The following ALMS1 variants were observed in gnomAD, a reference collection of about 807,000 sequenced individuals.
ALMS1 encodes centrosome-associated protein ALMS1.
Under a neutral mutation model 352.2 loss-of-function variants are expected in ALMS1, and 271 were observed. The ratio of observed to expected loss-of-function variants is 0.77; its 90% confidence interval spans 0.70 to 0.85. The LOEUF is 0.85. ALMS1 is among the 40% of genes least tolerant of loss of function. ALMS1 has a pLI of 0.00. For missense variants in ALMS1, 5,445 were observed against 4,870.7 expected, an observed-to-expected ratio of 1.12 and a Z score of -3.51; for synonymous variants, 1,865 against 1,761.2, an observed-to-expected ratio of 1.06 and a Z score of -1.48.
chr2:73,593,801 A>G (rs774810171), intron 16 of ALMS1, among the ~76,000 whole-genome samples: 13 of 152,172 alleles, frequency 8.5e-5, no homozygotes, highest in Non-Finnish European at 1.9e-4. Flanking sequence ...TTCTGTTTCT[A>G]TGGATTTGCC....
At chr2:73,570,089 C>T (rs187028211) in intron 15 of ALMS1, among the ~76,000 whole-genome samples, 65 of 152,166 alleles carry the variant, frequency 4.3e-4, no homozygotes, top group Admixed American at 1.4e-3. Flanking sequence ...ATGACAGGAA[C>T]AGGAAGAGGA....
At chr2:73,459,440 T>C (rs540908647) in intron 9 of ALMS1, 1 of 152,354 alleles carries the variant, frequency 6.6e-6, no homozygotes, top group African/African-American at 2.4e-5. Context: ...CTTGCCTGAA[T>C]AATTTATTAA....
intron 12 of ALMS1, among the ~76,000 whole-genome samples, chr2:73,547,522 G>A (rs1306216465): frequency 6.6e-6 from 1 of 152,114 alleles, no homozygotes; most frequent in East Asian, 1.9e-4. Flanking sequence ...ACTACATTTT[G>A]GTTTGGTCTC....
intron 1 of ALMS1, among the ~76,000 whole-genome samples, chr2:73,386,923 C>T (rs962655181): frequency 6.6e-6 from 1 of 152,138 alleles, no homozygotes; most frequent in Non-Finnish European, 1.5e-5. Flanking sequence ...ACCTGCCCTG[C>T]TCAGTACAGT....
intron 21 of ALMS1, among the ~76,000 whole-genome samples, chr2:73,605,636 G>A (rs542220266): frequency 1.1e-4 from 16 of 152,270 alleles, no homozygotes; most frequent in African/African-American, 2.9e-4. Flanking sequence ...ATCACTTGAG[G>A]TCAGGAGTTC....
intron 10 of ALMS1, among the ~76,000 whole-genome samples, chr2:73,501,667 C>G (rs1272022105): frequency 6.6e-6 from 1 of 152,108 alleles, no homozygotes; most frequent in East Asian, 1.9e-4. Flanking sequence ...TATCTTTACA[C>G]CAGTACCACA....
chr2:73,453,659 C>G lies in ALMS1; in HGVS notation c.7132C>G (p.Leu2378Val), dbSNP rs768751472. 3.7e-6 allele frequency: 6 copies of G among 1,614,030 alleles called. No individual in the cohort carries two copies. The highest frequency in any genetic ancestry group is 4.2e-6 in the Non-Finnish European group (5 of 1,180,004). The change falls in exon 8 of 23, where the codon CTT (leucine) becomes GTT (valine). Residue 2378 changes from leucine to valine, a missense_variant. Coordinates refer to ENST00000613296, the MANE Select transcript of ALMS1 (RefSeq NM_001378454.1). Reference protein sequence around the residue: ...SKVSMALEETLRQYQAAKSVM... With the variant: ...SKVSMALEETVRQYQAAKSVM... ...AGTCAGTATGGCATTAGAAGAAACT[C>G]TTAGGCAATATCAAGCAGCCAAATC...
chr2:73,431,558 A>G (rs2421550), intron 6 of ALMS1, among the ~76,000 whole-genome samples: 57,942 of 152,090 alleles, frequency 0.38, 15,413 homozygotes, highest in African/African-American at 0.76. Flanking sequence ...TTCTAGCAAG[A>G]ACTTGTGACT....
At chr2:73,592,398 A>G (rs866914944) in intron 16 of ALMS1, among the ~76,000 whole-genome samples, 5 of 152,250 alleles carry the variant, frequency 3.3e-5, no homozygotes, top group Admixed American at 2.6e-4. Context: ...GGTGATGAGT[A>G]AATTTTATTG....
chr2:73,606,983 G>T (rs955851884), intron 21 of ALMS1, among the ~76,000 whole-genome samples: 1 of 152,160 alleles, frequency 6.6e-6, no homozygotes, highest in Admixed American at 6.5e-5. Context: ...TGTGTTTCCC[G>T]CAGAGCCCTC....
chr2:73,414,936 A>G (rs1671156875), intron 2 of ALMS1, among the ~76,000 whole-genome samples: 1 of 152,116 alleles, frequency 6.6e-6, no homozygotes, highest in African/African-American at 2.4e-5. Context: ...TTACTCTCCA[A>G]TTCCAGGTTG....
At position 73,454,270 on chromosome 2, in the gene ALMS1, C is replaced by T. The variant is rs1018824006; in HGVS notation, c.7540+203C>T. The T allele has an allele frequency of 4.9e-5, 48 of 970,788 alleles. No homozygotes were observed. The African/African-American group carries it at 7.4e-4, about 15-fold the overall frequency. The allele number at this position is 970,788 out of a possible 1,614,324, so 60.1% of individuals were successfully genotyped here. ...ATTTCTTCTAACAATCCATAAAAAG[C>T]CTATTTAACCAATAATGTAGTTAAG... On this transcript the variant is annotated intron_variant, in intron 8 of 22. Transcript: ENST00000613296.
chr2:73,489,536 AATCTT>A, intron 9 of ALMS1, 93 bp from the exon 10 acceptor site: 1 of 1,381,730 alleles, frequency 7.2e-7, no homozygotes, highest in Non-Finnish European at 1.0e-6. Flanking sequence ...TTCATGGTCT[AATCTT>A]AGCGTGGGTA....
chr2:73,510,734 C>T (rs558226527), intron 10 of ALMS1, among the ~76,000 whole-genome samples: 5 of 152,254 alleles, frequency 3.3e-5, no homozygotes, highest in South Asian at 2.1e-4. Context: ...TAGCAGGGCT[C>T]GAGGGCTGTC....
chr2:73,520,159 T>G lies in ALMS1; in HGVS notation c.9781+143T>G, dbSNP rs192850959. The G allele has an allele frequency of 3.0e-4, 309 of 1,047,176 alleles. 2 individuals carry two copies. In the African/African-American group the frequency reaches 4.6e-3, roughly 16 times the overall value. The allele number at this position is 1,047,176 out of a possible 1,614,324, so 64.9% of individuals were successfully genotyped here. A position where few individuals can be genotyped will look rare whatever the true frequency, so the allele number is the denominator to read the frequency against. On this transcript the variant is annotated intron_variant, in intron 11 of 22. Transcript: ENST00000613296. ...TCCATATGATTATATCTGTCTTTTATTTGCATAGCTGTCAACAGAATATGA... is the reference window on the plus strand; with the variant it reads ...TCCATATGATTATATCTGTCTTTTAGTTGCATAGCTGTCAACAGAATATGA...
At chr2:73,529,039 G>GTTTTTTTTT (rs34604396) in intron 11 of ALMS1, among the ~76,000 whole-genome samples, 3 of 99,512 alleles carry the variant, frequency 3.0e-5, no homozygotes, top group Non-Finnish European at 4.0e-5. Flanking sequence ...CCTCAAAGCA[G>GTTTTTTTTT]TTTTTTTTTT....
intron 9 of ALMS1, among the ~76,000 whole-genome samples, chr2:73,486,885 A>G (rs1672859910): frequency 6.6e-6 from 1 of 152,106 alleles, no homozygotes; most frequent in African/African-American, 2.4e-5. Context: ...CCCAGTCTCT[A>G]CAAAAATAAA....
chr2:73,517,107 A>T (rs1050088912), intron 10 of ALMS1, among the ~76,000 whole-genome samples: 1 of 151,962 alleles, frequency 6.6e-6, no homozygotes, highest in Non-Finnish European at 1.5e-5. Context: ...TGTCCTTTTC[A>T]ATTAGTGAAT....
chr2:73,491,529 G>C (rs1177534409), intron 10 of ALMS1, 31 bp downstream of exon 10: 42 of 1,608,040 alleles, frequency 2.6e-5, no homozygotes, highest in Non-Finnish European at 3.6e-5. Context: ...AAGCAAGCTG[G>C]ATGGACTTTG....
Sources: gnomAD v4.1 joint callset for allele counts (sites outside exome capture counted in the v4.1 genomes callset) on GRCh38, gnomAD v4.1.1 for gene constraint, MANE v1.5 for transcripts, NCBI Gene and HGNC (gene_info 2026-07-23, HGNC 2026-07-21) for gene names.